Variants in CUL2 observed in about 807,000 individuals in gnomAD.
CUL2 encodes the protein cullin 2.
In CUL2, 22 loss-of-function variants were observed where a neutral mutation model predicts 110.2. The observed-to-expected ratio is 0.20, with a 90% CI of 0.14 to 0.28. The LOEUF (loss-of-function observed/expected upper bound fraction) is 0.28. Among genes scored for constraint, CUL2 ranks in the 10% least tolerant of loss-of-function variants. CUL2 has a pLI of 1.00. For synonymous variants in CUL2, 279 were observed against 293.2 expected, an observed-to-expected ratio of 0.95 and a Z score of 0.49; for missense variants, 631 against 905.5, an observed-to-expected ratio of 0.70 and a Z score of 3.89.
Position 35,031,766 on chromosome 10 carries a change from G to T in CUL2, c.1171-147C>A, listed in dbSNP as rs895774044. 2 of 764,574 alleles carry T rather than the reference G, an allele frequency of 2.6e-6. No homozygotes were observed. Among genetic ancestry groups the T allele is most frequent in the Non-Finnish European group, 4.2e-6 (2 of 481,004 alleles). 47.4% of individuals were successfully genotyped at this position (764,574 alleles called of 1,614,324 possible). On this transcript the variant is annotated intron_variant, in intron 12 of 20. Transcript: ENST00000374749. This position sits in a 1 kb window ranked among gnomAD's most constrained non-coding sequence, Gnocchi z 4.4. Reference sequence around the variant, plus strand: ...AGACCGGGTCTTGCTCTGTTGCCAGGCTGGATTGCAGTGGACAAGATCATA... The same window carrying T: ...AGACCGGGTCTTGCTCTGTTGCCAGTCTGGATTGCAGTGGACAAGATCATA...
intron 16 of CUL2, among the ~76,000 whole-genome samples, chr10:35,025,539 C>A (rs1347941683): frequency 6.6e-6 from 1 of 152,146 alleles, no homozygotes; most frequent in Non-Finnish European, 1.5e-5. Flanking sequence ...CCAAACACAG[C>A]AACATATATA....
chr10:35,104,932 T>C (rs1177605953), intron 1 of CUL2, among the ~76,000 whole-genome samples: 1 of 151,784 alleles, frequency 6.6e-6, no homozygotes, highest in East Asian at 2.0e-4. Context: ...TTTCTCCATG[T>C]TGGTCAGGCT....
chr10:35,078,787 A>G (rs2086881990), intron 1 of CUL2, among the ~76,000 whole-genome samples: 1 of 152,326 alleles, frequency 6.6e-6, no homozygotes, highest in East Asian at 1.9e-4. Context: ...TACTATTTTG[A>G]TTCTCTTTAT....
At chr10:35,104,249 C>G (rs1589064008) in intron 1 of CUL2, among the ~76,000 whole-genome samples, 1 of 152,110 alleles carries the variant, frequency 6.6e-6, no homozygotes, top group Non-Finnish European at 1.5e-5. Flanking sequence ...GAGTTGGAGA[C>G]CAGCCTGGGT....
chr10:35,108,280 T>C (rs1681210450), intron 1 of CUL2, among the ~76,000 whole-genome samples: 1 of 151,212 alleles, frequency 6.6e-6, no homozygotes, highest in African/African-American at 2.4e-5. Context: ...CATGATGAGA[T>C]CCTGTCTCTT....
At chr10:35,048,642 GAAAAA>G (rs1310455296) in intron 6 of CUL2, among the ~76,000 whole-genome samples, 2 of 152,166 alleles carry the variant, frequency 1.3e-5, no homozygotes, top group Non-Finnish European at 2.9e-5. Context: ...AAAAGAGGAA[GAAAAA>G]CAACGGGTTA....
At chr10:35,093,382 T>G (rs1477703550), upstream of CUL2, among the ~76,000 whole-genome samples, 2 of 151,840 alleles carry the variant, frequency 1.3e-5, no homozygotes, top group Non-Finnish European at 2.9e-5. Flanking sequence ...AAAGAACAAT[T>G]GACAGACTTG....
intron 1 of CUL2, among the ~76,000 whole-genome samples, chr10:35,073,516 A>G (rs2086735187): frequency 6.6e-6 from 1 of 152,156 alleles, no homozygotes; most frequent in Non-Finnish European, 1.5e-5. Context: ...AGTACCCTGT[A>G]CAAACTCGTT....
intron 8 of CUL2, among the ~76,000 whole-genome samples, 196 bp from the exon 9 acceptor site, chr10:35,039,278 C>T (rs531790909): frequency 2.0e-5 from 3 of 152,334 alleles, no homozygotes; most frequent in African/African-American, 7.2e-5. Flanking sequence ...CTGTCATCTA[C>T]ATTCCACCAG....
intron 1 of CUL2, among the ~76,000 whole-genome samples, chr10:35,089,595 A>G (rs2087152283): frequency 6.6e-6 from 1 of 152,176 alleles, no homozygotes; most frequent in African/African-American, 2.4e-5. Context: ...CAATTCACAG[A>G]TGTTTTATTT....
intron 1 of CUL2, among the ~76,000 whole-genome samples, chr10:35,106,006 A>C (rs1039563191): frequency 6.6e-6 from 1 of 152,212 alleles, no homozygotes; most frequent in Non-Finnish European, 1.5e-5. Flanking sequence ...TGGAGATTAA[A>C]CAAAAATGTG....
At chr10:35,034,308 C>T (rs1424372098) in intron 10 of CUL2, among the ~76,000 whole-genome samples, 1 of 152,022 alleles carries the variant, frequency 6.6e-6, no homozygotes, top group African/African-American at 2.4e-5. Context: ...AACCTGAATA[C>T]TATAAACTAA....
Position 35,022,019 on chromosome 10 carries a change from G to A in CUL2, c.1684+3113C>T, listed in dbSNP as rs1220940641. Among the ~76,000 whole-genome samples the A allele has an allele frequency of 3.9e-5, 6 of 152,276 alleles. No homozygotes were observed. The East Asian group carries it at 1.2e-3, about 29-fold the overall frequency. On this transcript the variant is annotated intron_variant, in intron 17 of 20. Transcript: ENST00000374749. ...AGGACCTGACTGCCACCACCATTCT[G>A]TGATATGCCCTGGGCTGGCCTCTAT...
chr10:35,052,062 CAT>C (rs2086125891), intron 5 of CUL2, among the ~76,000 whole-genome samples: 2 of 152,180 alleles, frequency 1.3e-5, no homozygotes, highest in Admixed American at 6.5e-5. Context: ...ATTTTCCCCA[CAT>C]AGAGTATAAA....
intron 10 of CUL2, 130 bp downstream of exon 10, chr10:35,035,042 G>A (rs532791243): frequency 8.1e-6 from 9 of 1,106,348 alleles, no homozygotes; most frequent in Middle Eastern, 2.9e-4. Context: ...TAAAACATTT[G>A]AATAAAGACA....
intron 1 of CUL2, among the ~76,000 whole-genome samples, chr10:35,108,928 T>G (rs2087496265): frequency 6.6e-6 from 1 of 152,170 alleles, no homozygotes; most frequent in Non-Finnish European, 1.5e-5. Context: ...ACCTAGCCAT[T>G]TCTGCTAGGG....
At chr10:35,113,688 T>C (rs1309925179) in intron 1 of CUL2, among the ~76,000 whole-genome samples, 1 of 151,142 alleles carries the variant, frequency 6.6e-6, no homozygotes, top group Non-Finnish European at 1.5e-5. Context: ...ATAGATATGA[T>C]GAATCTAGCA....
chr10:35,078,267 AAT>A (rs927949416), intron 1 of CUL2, among the ~76,000 whole-genome samples: 18 of 152,128 alleles, frequency 1.2e-4, no homozygotes, highest in Non-Finnish European at 2.2e-4. Flanking sequence ...AGAAATAAAA[AAT>A]ATATATGTTT....
chr10:35,033,202 C>G lies in CUL2; in HGVS notation c.1074G>C (p.Leu358Phe). Residue 358 changes from leucine (L) to phenylalanine (F), a missense_variant, in exon 11 of 21, where the codon TTG becomes TTC. Leu to Phe is a conservative substitution (Grantham distance 22, BLOSUM62 0). This residue lies in a region of CUL2 where 338 missense variants were observed against 442.5 expected (regional missense o/e 0.76). Coordinates refer to ENST00000374749, the MANE Select transcript of CUL2 (RefSeq NM_003591.4). Reference sequence around the variant, plus strand: ...CACTCATAAAATGCTGATCACCATTCAAAACAGTGTTGATAAGCTGAACAA... The same window carrying G: ...CACTCATAAAATGCTGATCACCATTGAAAACAGTGTTGATAAGCTGAACAA... ...GKFVQLINTV[L>F]NGDQHFMSAL... 6.2e-7 allele frequency: 1 copy of G among 1,613,494 alleles called. No homozygotes were observed. Among genetic ancestry groups the G allele is most frequent in the South Asian group, 1.1e-5 (1 of 91,070 alleles).
Sources: gnomAD v4.1 joint callset for allele counts (sites outside exome capture counted in the v4.1 genomes callset) on GRCh38, gnomAD v4.1.1 for gene constraint, gnomAD v4.1.1 regional missense constraint, Gnocchi (gnomAD v3.1) non-coding constraint, MANE v1.5 for transcripts, NCBI Gene and HGNC (gene_info 2026-07-23, HGNC 2026-07-21) for gene names.